The following ACVR2A variants were observed in gnomAD, a reference collection of about 807,000 sequenced individuals.
ACVR2A encodes the protein activin A receptor type 2A.
Under a neutral mutation model 61.4 loss-of-function variants are expected in ACVR2A, and 7 were observed. The ratio of observed to expected loss-of-function variants is 0.11; its 90% confidence interval spans 0.06 to 0.21. The LOEUF is 0.21. Among genes scored for constraint, ACVR2A ranks in the 10% least tolerant of loss-of-function variants. ACVR2A has a pLI of 1.00. For synonymous variants in ACVR2A, 193 were observed against 208.3 expected, an observed-to-expected ratio of 0.93 and a Z score of 0.63; for missense variants, 322 against 621.7, an observed-to-expected ratio of 0.52 and a Z score of 5.13.
At chr2:147,920,768 T>A (rs1468931450) in intron 8 of ACVR2A, among the ~76,000 whole-genome samples, 2 of 152,182 alleles carry the variant, frequency 1.3e-5, no homozygotes, top group Non-Finnish European at 2.9e-5. Flanking sequence ...AATAGTTTAT[T>A]GCTTCTTGTT....
rs978379535 is a variant in ACVR2A, at chr2:147,927,279, T to C, written c.*5T>C. The C allele has an allele frequency of 1.9e-6, 3 of 1,608,514 alleles. No homozygotes were observed. Among genetic ancestry groups the C allele is most frequent in the Non-Finnish European group, 2.5e-6 (3 of 1,177,094 alleles). ...CCCAAAGAATCTAGTCTATGATGGTTGCGCCATCTGTGCACACTAAGAAAT... is the reference window on the plus strand; with the variant it reads ...CCCAAAGAATCTAGTCTATGATGGTCGCGCCATCTGTGCACACTAAGAAAT... On this transcript the variant is annotated 3_prime_UTR_variant, in exon 11 of 11. Transcript: ENST00000241416.
intron 1 of ACVR2A, among the ~76,000 whole-genome samples, chr2:147,883,177 T>TTTTTTG (rs1039844089): frequency 6.6e-5 from 10 of 151,950 alleles, no homozygotes; most frequent in African/African-American, 9.7e-5. Context: ...TAAAATGAGT[T>TTTTTTG]TTTTTGTTTT....
intron 1 of ACVR2A, among the ~76,000 whole-genome samples, chr2:147,882,923 C>G (rs1301926845): frequency 6.6e-6 from 1 of 152,018 alleles, no homozygotes; most frequent in East Asian, 1.9e-4. Context: ...ATTAGATTGA[C>G]AGGGCCTAAA....
intron 1 of ACVR2A, among the ~76,000 whole-genome samples, chr2:147,866,246 C>T (rs141026252): frequency 9.2e-5 from 14 of 152,304 alleles, no homozygotes; most frequent in Admixed American, 3.9e-4. Context: ...AAGTGGCATG[C>T]GCTGGGTTTG....
At chr2:147,875,174 C>G (rs1039084267) in intron 1 of ACVR2A, among the ~76,000 whole-genome samples, 3 of 151,894 alleles carry the variant, frequency 2.0e-5, no homozygotes, top group African/African-American at 7.2e-5. Context: ...CTCACAATCT[C>G]TGTAACTCAT....
In ACVR2A at chr2:147,899,874, C is replaced by T; in HGVS notation, c.504C>T (p.Tyr168=). ...FWVYRHHKMA[Y]PPVLVPTQDP... is the part of the protein sequence containing the mutation. ...TGTACAGGCATCACAAGATGGCCTACCCTCCTGTACTTGTTCCAACTCAAG... is the reference window on the plus strand; with the variant it reads ...TGTACAGGCATCACAAGATGGCCTATCCTCCTGTACTTGTTCCAACTCAAG... Residue 168 remains tyrosine (Y), a synonymous_variant, in exon 4 of 11, where the codon TAC becomes TAT. Transcript: ENST00000241416. 1 of 1,613,476 alleles carries T rather than the reference C, an allele frequency of 6.2e-7. No individual in the cohort carries two copies. The highest frequency in any genetic ancestry group is 8.5e-7 in the Non-Finnish European group (1 of 1,179,590).
At chr2:147,874,531 G>A (rs1686106410) in intron 1 of ACVR2A, among the ~76,000 whole-genome samples, 1 of 151,912 alleles carries the variant, frequency 6.6e-6, no homozygotes, top group Non-Finnish European at 1.5e-5. Context: ...GTGGTGTGAG[G>A]ACCTCCGGCA....
At chr2:147,871,248 A>G (rs1374256316) in intron 1 of ACVR2A, among the ~76,000 whole-genome samples, 1 of 151,928 alleles carries the variant, frequency 6.6e-6, no homozygotes, top group Non-Finnish European at 1.5e-5. Context: ...ATTTGCTAGG[A>G]AGAAATTGTT....
chr2:147,879,528 C>T (rs2105168433), intron 1 of ACVR2A, among the ~76,000 whole-genome samples: 1 of 152,270 alleles, frequency 6.6e-6, no homozygotes, highest in South Asian at 2.1e-4. Flanking sequence ...CATTATCTCA[C>T]CTATTAAAAG....
chr2:147,907,393 C>A (rs991522753), intron 4 of ACVR2A, among the ~76,000 whole-genome samples: 1 of 152,134 alleles, frequency 6.6e-6, no homozygotes, highest in African/African-American at 2.4e-5. Flanking sequence ...ATTTCTGGTT[C>A]TAGATCCTTG....
chr2:147,862,260 G>A (rs1468854020), intron 1 of ACVR2A, among the ~76,000 whole-genome samples: 4 of 151,954 alleles, frequency 2.6e-5, no homozygotes, highest in Non-Finnish European at 5.9e-5. Context: ...AAGCACCAAA[G>A]CGAACTCTAA....
chr2:147,847,443 CTATT>C (rs1037534213), intron 1 of ACVR2A, among the ~76,000 whole-genome samples: 3 of 152,064 alleles, frequency 2.0e-5, no homozygotes, highest in African/African-American at 7.2e-5. Context: ...CATGAGGTGA[CTATT>C]TTTATGAGAA....
Position 147,927,435 on chromosome 2 carries a change from TTAC to T in ACVR2A, c.*163_*165del. On this transcript the variant is annotated 3_prime_UTR_variant, in exon 11 of 11. Transcript: ENST00000241416. The stretch of plus-strand genomic sequence containing the variant: ...GTTGAAAAATGTTGCTCTGGGAGAC[TTAC>T]TGCATTGCCGACAGCACAGATGTGA... 3.0e-6 allele frequency: 2 copies of T among 662,330 alleles called. No homozygotes were observed. Among genetic ancestry groups the T allele is most frequent in the Non-Finnish European group, 4.9e-6 (2 of 411,366 alleles). 41.0% of individuals were successfully genotyped at this position (662,330 alleles called of 1,614,324 possible). A position where few individuals can be genotyped will look rare whatever the true frequency, so the allele number is the denominator to read the frequency against.
chr2:147,889,257 C>T (rs751209219), intron 1 of ACVR2A, among the ~76,000 whole-genome samples: 7 of 151,938 alleles, frequency 4.6e-5, no homozygotes, highest in Non-Finnish European at 7.4e-5. Flanking sequence ...TGAGAGATAC[C>T]GGTCTGTGTT....
At chr2:147,881,681 G>A (rs1199855104) in intron 1 of ACVR2A, among the ~76,000 whole-genome samples, 1 of 145,908 alleles carries the variant, frequency 6.9e-6, no homozygotes, top group Non-Finnish European at 1.5e-5. Context: ...ATATTAGATT[G>A]ACAGGGCCTA....
At chr2:147,906,818 A>ATTTTTT (rs369876665) in intron 4 of ACVR2A, among the ~76,000 whole-genome samples, 4 of 123,404 alleles carry the variant, frequency 3.2e-5, no homozygotes, top group Non-Finnish European at 5.1e-5. Flanking sequence ...TATCAAGTCC[A>ATTTTTT]TTTTTTTTTT....
At chr2:147,913,297 A>C (rs1483557407) in intron 4 of ACVR2A, among the ~76,000 whole-genome samples, 1 of 151,936 alleles carries the variant, frequency 6.6e-6, no homozygotes, top group Non-Finnish European at 1.5e-5. Context: ...CAGTGTACAT[A>C]AAAGCTATTA....
intron 1 of ACVR2A, among the ~76,000 whole-genome samples, chr2:147,852,637 G>A (rs771973084): frequency 1.1e-4 from 17 of 152,020 alleles, no homozygotes; most frequent in Non-Finnish European, 1.9e-4. Flanking sequence ...TGGACTAGTC[G>A]AATAAATTAA....
rs10183450 is a variant in ACVR2A, at chr2:147,856,605, A to G, written c.55+11398A>G. On this transcript the variant is annotated intron_variant, in intron 1 of 10. Transcript: ENST00000241416. ...TTATATAACCTAAGACTCAAAATGA[A>G]CTTGTAATAATTACTAAAATTATAT... Among the ~76,000 whole-genome samples, 1,164 of 152,264 alleles carry G rather than the reference A, an allele frequency of 7.6e-3. 17 individuals are homozygous for G. The highest frequency in any genetic ancestry group is 0.027 in the African/African-American group (1,104 of 41,548).
Sources: gnomAD v4.1 joint callset for allele counts (sites outside exome capture counted in the v4.1 genomes callset) on GRCh38, gnomAD v4.1.1 for gene constraint, MANE v1.5 for transcripts, NCBI Gene and HGNC (gene_info 2026-07-23, HGNC 2026-07-21) for gene names.